Variants in GRM2 observed in about 807,000 individuals in gnomAD.
The protein encoded by GRM2 is glutamate metabotropic receptor 2, also known as metabotropic glutamate receptor 2.
A neutral mutation model predicts 60.4 loss-of-function variants in GRM2; 35 were observed. The ratio of observed to expected loss-of-function variants is 0.58; its 90% CI spans 0.44 to 0.77. The LOEUF is 0.77. Ranked by LOEUF, GRM2 falls within the 30% of genes least tolerant of loss-of-function variation. GRM2 has a pLI of 0.00. For synonymous variants in GRM2, 437 were observed against 484.1 expected (o/e 0.90, Z 1.28); for missense variants, 925 against 1,199.5 (o/e 0.77, Z 3.38).
rs187127506 is a variant in GRM2, at chr3:51,712,012, A to C, written c.451-461A>C. On this transcript the variant is annotated intron_variant, in intron 2 of 5. Transcript: ENST00000395052. The surrounding 1 kb of genome is among the most constrained non-coding windows in gnomAD (Gnocchi z 5.3). ...CCCTGGGATCTGTGTCTTTCTTCCT[A>C]GGGGAAACTTTTCCTTCTTTCTGTA... 8.5e-5 allele frequency among the ~76,000 whole-genome samples: 13 copies of C among 152,150 alleles called. No homozygotes were observed. Among genetic ancestry groups the C allele is most frequent in the Non-Finnish European group, 1.6e-4 (11 of 68,022 alleles).
Position 51,715,753 on chromosome 3 carries a change from C to A in GRM2, c.1980C>A (p.Ile660=). ...CCAAGACCAACCGCATTGCACGCAT[C>A]TTCGGTGGGGCCCGGGAGGGTGCCC... The part of the protein sequence containing the change: ...LLTKTNRIAR[I]FGGAREGAQR... Residue 660 remains isoleucine, a synonymous_variant, in exon 4 of 6, where the codon ATC becomes ATA. Coordinates refer to ENST00000395052, the MANE Select transcript of GRM2 (RefSeq NM_000839.5). This position sits in a 1 kb window ranked among gnomAD's most constrained non-coding sequence, Gnocchi z 9.0. The A allele has an allele frequency of 6.2e-7, 1 of 1,613,924 alleles. No homozygotes were observed. The highest frequency in any genetic ancestry group is 8.5e-7 in the Non-Finnish European group (1 of 1,179,842).
At chr3:51,710,496 G>A (rs1334167522) in intron 2 of GRM2, among the ~76,000 whole-genome samples, 2 of 152,198 alleles carry the variant, frequency 1.3e-5, no homozygotes, top group African/African-American at 4.8e-5. Context: ...CTGTGAAATC[G>A]GCTCTCGGCC....
In GRM2 at chr3:51,709,569, G is replaced by A; in HGVS notation, c.450+136G>A. 3 of 634,238 alleles carry A rather than the reference G, an allele frequency of 4.7e-6. No homozygotes were observed. In the East Asian group the frequency reaches 8.3e-5, roughly 18 times the overall value. 39.3% of individuals were successfully genotyped at this position (634,238 alleles called of 1,614,324 possible). On this transcript the variant is annotated intron_variant, in intron 2 of 5. Transcript: ENST00000395052. The stretch of plus-strand genomic sequence containing the variant: ...AAGCTTCCTTGCAGTAGCTTTTACA[G>A]AAGCTAAGAAAGTGCCCTGGTCACA...
chr3:51,715,834 C>T lies in GRM2; in HGVS notation c.2061C>T (p.Ile687=), dbSNP rs1194082183. 1 of 1,613,304 alleles carries T rather than the reference C, an allele frequency of 6.2e-7. No homozygotes were observed. The highest frequency in any genetic ancestry group is 1.7e-5 in the Admixed American group (1 of 60,010). ...AGGTGGCCATCTGCCTGGCACTTAT[C>T]TCGGGCCAGCTGCTCATCGTGGTCG... ...ASQVAICLAL[I]SGQLLIVVAW... Residue 687 remains isoleucine (I), a synonymous_variant, in exon 4 of 6, where the codon ATC becomes ATT. Transcript: ENST00000395052. The surrounding 1 kb of genome is among the most constrained non-coding windows in gnomAD (Gnocchi z 9.0).
chr3:51,712,618 T>C lies in GRM2; in HGVS notation c.596T>C (p.Leu199Pro). 1.2e-6 allele frequency: 2 copies of C among 1,614,166 alleles called. No homozygotes were observed. The highest frequency in any genetic ancestry group is 8.5e-7 in the Non-Finnish European group (1 of 1,180,042). Residue 199 changes from leucine (L) to proline (P), a missense_variant, in exon 3 of 6, where the codon CTC becomes CCC. Leu to Pro is a moderately conservative substitution (Grantham distance 98, BLOSUM62 -3). Coordinates refer to ENST00000395052, the MANE Select transcript of GRM2 (RefSeq NM_000839.5). The surrounding 1 kb of genome is among the most constrained non-coding windows in gnomAD (Gnocchi z 5.3). The stretch of plus-strand genomic sequence containing the variant: ...CAAGCCAAGGCCATGGCTGAGATTC[T>C]CCGCTTCTTCAACTGGACCTATGTG... ...FFQAKAMAEI[L>P]RFFNWTYVST...
Position 51,709,053 on chromosome 3 carries a change from A to G in GRM2, c.70A>G (p.Lys24Glu). ...WGAVAEGPAK[K>E]VLTLEGDLVL... is the part of the protein sequence containing the mutation. ...TGCTGTGGCTGAGGGCCCAGCCAAG[A>G]AGGTGCTGACCCTGGAGGGAGACTT... Residue 24 changes from lysine (K) to glutamate (E), a missense_variant, in exon 2 of 6, where the codon AAG (lysine) becomes GAG (glutamate). By Grantham distance (56) the Lys-to-Glu change is moderately conservative. Transcript: ENST00000395052. 6.2e-7 allele frequency: 1 copy of G among 1,604,162 alleles called. No homozygotes were observed.
Position 51,712,887 on chromosome 3 carries a change from T to C in GRM2, c.865T>C (p.Phe289Leu). 6.2e-7 allele frequency: 1 copy of C among 1,613,018 alleles called. No homozygotes were observed. Among genetic ancestry groups the C allele is most frequent in the South Asian group, 1.1e-5 (1 of 91,082 alleles). The part of the protein sequence containing the change: ...LAASQRLNAS[F>L]TWVASDGWGA... ...TGCCAGCCAGCGCCTCAATGCCAGC[T>C]TCACCTGGGTGGCCAGTGATGGTTG... The change falls in exon 3 of 6, where the codon TTC (phenylalanine) becomes CTC (leucine). Residue 289 changes from phenylalanine (F) to leucine (L), a missense_variant. Coordinates refer to ENST00000395052, the MANE Select transcript of GRM2 (RefSeq NM_000839.5). The surrounding 1 kb of genome is among the most constrained non-coding windows in gnomAD (Gnocchi z 5.3).
Position 51,712,482 on chromosome 3 carries a change from C to G in GRM2, c.460C>G (p.Leu154Val), listed in dbSNP as rs1404174007. 6.2e-7 allele frequency: 1 copy of G among 1,610,356 alleles called. No homozygotes were observed. Among genetic ancestry groups the G allele is most frequent in the Non-Finnish European group, 8.5e-7 (1 of 1,177,032 alleles). Residue 154 changes from leucine (L) to valine (V), a missense_variant, in exon 3 of 6, where the codon CTC becomes GTC. Transcript: ENST00000395052. The surrounding 1 kb of genome is among the most constrained non-coding windows in gnomAD (Gnocchi z 5.3). ...YSDVSIQVAN[L>V]LRLFQIPQIS... ...TCTACTCCTCCCCCAGGTGGCCAAC[C>G]TCTTGAGGCTATTTCAGATCCCACA... is the stretch of plus-strand genomic sequence containing the variant.
Position 51,713,309 on chromosome 3 carries a change from T to C in GRM2, c.1287T>C (p.Asp429=). The C allele has an allele frequency of 6.3e-7, 1 of 1,596,392 alleles. No homozygotes were observed. The highest frequency in any genetic ancestry group is 8.6e-7 in the Non-Finnish European group (1 of 1,167,946). ...YKDFVLNVKF[D]APFRPADTHN... is the part of the protein sequence containing the mutation. ...ACTTTGTGCTCAACGTCAAGTTTGA[T>C]GGTAATGGTGTTGGCCAGTGTCCAT... is the stretch of plus-strand genomic sequence containing the variant. The change falls in exon 3 of 6, where the codon GAT becomes GAC. Residue 429 remains aspartate, a splice_region_variant and synonymous_variant. Coordinates refer to ENST00000395052, the MANE Select transcript of GRM2 (RefSeq NM_000839.5). The surrounding 1 kb of genome is among the most constrained non-coding windows in gnomAD (Gnocchi z 4.8).
At position 51,715,570 on chromosome 3, in the gene GRM2, G is replaced by A. The variant is rs1189611134; in HGVS notation, c.1797G>A (p.Lys599=). 6.2e-7 allele frequency: 1 copy of A among 1,614,102 alleles called. No homozygotes were observed. The highest frequency in any genetic ancestry group is 2.2e-5 in the East Asian group (1 of 44,888). Residue 599 remains lysine, a synonymous_variant, in exon 4 of 6, where the codon AAG becomes AAA. Coordinates refer to ENST00000395052, the MANE Select transcript of GRM2 (RefSeq NM_000839.5). The surrounding 1 kb of genome is among the most constrained non-coding windows in gnomAD (Gnocchi z 9.0). ...GGCACAATGCCACACCAGTGGTCAA[G>A]GCCTCAGGTCGGGAGCTCTGCTACA... ...FVRHNATPVV[K]ASGRELCYIL...
Position 51,717,567 on chromosome 3 carries a change from A to T in GRM2, c.2365-70A>T. On this transcript the variant is annotated intron_variant, in intron 4 of 5. Coordinates refer to ENST00000395052, the MANE Select transcript of GRM2 (RefSeq NM_000839.5). The surrounding 1 kb of genome is among the most constrained non-coding windows in gnomAD (Gnocchi z 6.0). ...GTCTCCCCCACTCCCTCCCCCACAG[A>T]TCAGGCAGGGGGTCCTGGGGTCAGG... 7.9e-7 allele frequency: 1 copy of T among 1,268,214 alleles called. No homozygotes were observed. Among genetic ancestry groups the T allele is most frequent in the Non-Finnish European group, 1.1e-6 (1 of 887,142 alleles). The allele number at this position is 1,268,214 out of a possible 1,614,324, so 78.6% of individuals were successfully genotyped here.
In GRM2 at chr3:51,713,702, A is replaced by C. The variant is rs1211204299; in HGVS notation, c.1288+392A>C. ...AGCATCAGGATGACGCTCTATATTC[A>C]CGGAAAATGTCTTTCTGTCTTTCTT... On this transcript the variant is annotated intron_variant, in intron 3 of 5. Transcript: ENST00000395052. The surrounding 1 kb of genome is among the most constrained non-coding windows in gnomAD (Gnocchi z 4.8). 3.5e-6 allele frequency: 1 copy of C among 281,924 alleles called. No individual in the cohort carries two copies. The highest frequency in any genetic ancestry group is 6.8e-6 in the Non-Finnish European group (1 of 147,210). The allele number at this position is 281,924 out of a possible 1,614,324, so 17.5% of individuals were successfully genotyped here. A position where few individuals can be genotyped will look rare whatever the true frequency, so the allele number is the denominator to read the frequency against.
At chr3:51,709,660 A>ATCC (rs1703622223) in intron 2 of GRM2, among the ~76,000 whole-genome samples, 1 of 79,858 alleles carries the variant, frequency 1.3e-5, no homozygotes, top group Non-Finnish European at 2.8e-5. Context: ...CCACACACAC[A>ATCC]CACACCCTCA....
At position 51,712,224 on chromosome 3, in the gene GRM2, G is replaced by A. The variant is rs536977048; in HGVS notation, c.451-249G>A. Among the ~76,000 whole-genome samples, 63 of 152,286 alleles carry A rather than the reference G, an allele frequency of 4.1e-4. No individual in the cohort carries two copies. The South Asian group carries it at 4.4e-3, about 11-fold the overall frequency. On this transcript the variant is annotated intron_variant, in intron 2 of 5. Transcript: ENST00000395052. The surrounding 1 kb of genome is among the most constrained non-coding windows in gnomAD (Gnocchi z 5.3). ...GTGTCTAAAAGGGGATGGCAGAGGGGATCAGGTGTGGCTCATGACCCTGGT... is the reference window on the plus strand; with the variant it reads ...GTGTCTAAAAGGGGATGGCAGAGGGAATCAGGTGTGGCTCATGACCCTGGT...
intron 2 of GRM2, among the ~76,000 whole-genome samples, chr3:51,709,815 CCA>C (rs1188841679): frequency 3.6e-5 from 5 of 137,072 alleles, no homozygotes; most frequent in South Asian, 2.5e-4. Flanking sequence ...ACCCCCACAC[CCA>C]CACACACACC....
intron 2 of GRM2, among the ~76,000 whole-genome samples, chr3:51,710,616 G>A (rs939256214): frequency 2.2e-5 from 3 of 133,908 alleles, no homozygotes; most frequent in Non-Finnish European, 4.7e-5. Context: ...TCAGAAGGAA[G>A]ATAAACAGAA....
At position 51,717,586 on chromosome 3, in the gene GRM2, G is replaced by T; in HGVS notation, c.2365-51G>T. 6.7e-7 allele frequency: 1 copy of T among 1,488,500 alleles called. No individual in the cohort carries two copies. The highest frequency in any genetic ancestry group is 9.3e-7 in the Non-Finnish European group (1 of 1,077,316). The allele number at this position is 1,488,500 out of a possible 1,614,324, so 92.2% of individuals were successfully genotyped here. The stretch of plus-strand genomic sequence containing the variant: ...CCACAGATCAGGCAGGGGGTCCTGG[G>T]GTCAGGCCCAGGTCTTGACCTGTGC... On this transcript the variant is annotated intron_variant, in intron 4 of 5. Transcript: ENST00000395052. The surrounding 1 kb of genome is among the most constrained non-coding windows in gnomAD (Gnocchi z 6.0).
At position 51,716,038 on chromosome 3, in the gene GRM2, C is replaced by T. The variant is rs147775313; in HGVS notation, c.2265C>T (p.Asn755=). 20 of 1,614,122 alleles carry T rather than the reference C, an allele frequency of 1.2e-5. No individual in the cohort carries two copies. The highest frequency in any genetic ancestry group is 1.6e-5 in the Non-Finnish European group (19 of 1,180,050). The change falls in exon 4 of 6, where the codon AAC becomes AAT. Residue 755 remains asparagine (N), a synonymous_variant. Coordinates refer to ENST00000395052, the MANE Select transcript of GRM2 (RefSeq NM_000839.5). This position sits in a 1 kb window ranked among gnomAD's most constrained non-coding sequence, Gnocchi z 4.0. ...YAFKTRKCPE[N]FNEAKFIGFT... is the part of the protein sequence containing the mutation. ...TCAAGACTCGCAAGTGCCCCGAAAACTTCAACGAGGCCAAGTTCATTGGCT... is the reference window on the plus strand; with the variant it reads ...TCAAGACTCGCAAGTGCCCCGAAAATTTCAACGAGGCCAAGTTCATTGGCT...
At chr3:51,709,987 C>CTT (rs1163025951) in intron 2 of GRM2, among the ~76,000 whole-genome samples, 5 of 142,808 alleles carry the variant, frequency 3.5e-5, no homozygotes, top group African/African-American at 5.1e-5. Flanking sequence ...ATTCACAACA[C>CTT]TTTTTTTTTT....
Sources: gnomAD v4.1 joint callset for allele counts (sites outside exome capture counted in the v4.1 genomes callset) on GRCh38, gnomAD v4.1.1 for gene constraint, Gnocchi (gnomAD v3.1) non-coding constraint, MANE v1.5 for transcripts, NCBI Gene and HGNC (gene_info 2026-07-23, HGNC 2026-07-21) for gene names.